The following FAM168A variants were observed in gnomAD, a reference collection of about 807,000 sequenced individuals.
FAM168A encodes the protein family with sequence similarity 168 member A.
Under a neutral mutation model 28.5 loss-of-function variants are expected in FAM168A, and 3 were observed. The ratio of observed to expected loss-of-function variants is 0.11; its 90% CI spans 0.05 to 0.27. FAM168A has a LOEUF of 0.27. Ranked by LOEUF, FAM168A falls within the 10% of genes least tolerant of loss-of-function variation. The pLI, the probability that FAM168A is intolerant of heterozygous loss-of-function variation, is 1.00. For missense variants in FAM168A, 222 were observed against 311.5 expected, an observed-to-expected ratio of 0.71 and a Z score of 2.16; for synonymous variants, 122 against 124.2, an observed-to-expected ratio of 0.98 and a Z score of 0.12.
chr11:73,457,300 G>T (rs1867550902), intron 2 of FAM168A, among the ~76,000 whole-genome samples: 1 of 151,580 alleles, frequency 6.6e-6, no homozygotes, highest in Admixed American at 6.6e-5. Context: ...GAGACTGGAG[G>T]ATCCCTTGAG....
intron 3 of FAM168A, among the ~76,000 whole-genome samples, chr11:73,425,391 T>C (rs1205684736): frequency 6.6e-6 from 1 of 152,228 alleles, no homozygotes; most frequent in Non-Finnish European, 1.5e-5. Context: ...ATTTCACATA[T>C]GGCAGATGTG....
chr11:73,426,847 T>C (rs1234536077), intron 3 of FAM168A, among the ~76,000 whole-genome samples: 3 of 152,102 alleles, frequency 2.0e-5, no homozygotes, highest in African/African-American at 7.2e-5. Flanking sequence ...AATACAATAC[T>C]CTAACGCTAC....
chr11:73,519,956 G>T (rs1943355296), intron 1 of FAM168A, among the ~76,000 whole-genome samples: 2 of 151,874 alleles, frequency 1.3e-5, no homozygotes. Flanking sequence ...ACTCTGCCCA[G>T]TACATAGATT....
intron 1 of FAM168A, among the ~76,000 whole-genome samples, chr11:73,571,276 C>T (rs1022200402): frequency 1.4e-5 from 2 of 139,542 alleles, no homozygotes; most frequent in Non-Finnish European, 3.1e-5. Flanking sequence ...TCTCTTTCCA[C>T]GGTCTCCCTC....
In FAM168A at chr11:73,466,148, T is replaced by C. The variant is rs77980667; in HGVS notation, c.70+2257A>G. ...ACCATCCCATTTCCTCTGAAGCAGA[T>C]GACAGTACAATGGACTTGACCCCCT... On this transcript the variant is annotated intron_variant, in intron 2 of 7. Coordinates refer to ENST00000356467, the MANE Select transcript of FAM168A (RefSeq NM_015159.3). Among the ~76,000 whole-genome samples the C allele has an allele frequency of 9.1e-3, 1,379 of 152,308 alleles. 22 individuals are homozygous for C. Among genetic ancestry groups the C allele is most frequent in the African/African-American group, 0.031 (1,281 of 41,558 alleles).
intron 1 of FAM168A, among the ~76,000 whole-genome samples, chr11:73,500,951 G>A (rs1565273017): frequency 6.6e-6 from 1 of 151,400 alleles, no homozygotes. Flanking sequence ...CCCATCTTAT[G>A]TGCAAAGACA....
At chr11:73,533,416 T>C (rs1237011305) in intron 1 of FAM168A, among the ~76,000 whole-genome samples, 1 of 152,204 alleles carries the variant, frequency 6.6e-6, no homozygotes, top group East Asian at 1.9e-4. Flanking sequence ...ACTTTACTAC[T>C]AGTAGAGTCC....
At chr11:73,458,175 C>A (rs749370294) in intron 2 of FAM168A, among the ~76,000 whole-genome samples, 1 of 152,084 alleles carries the variant, frequency 6.6e-6, no homozygotes, top group East Asian at 1.9e-4. Flanking sequence ...GAAAAACATA[C>A]AAATAAACAA....
chr11:73,510,110 T>A (rs951815329), intron 1 of FAM168A, among the ~76,000 whole-genome samples: 1 of 152,152 alleles, frequency 6.6e-6, no homozygotes, highest in African/African-American at 2.4e-5. Flanking sequence ...CCACTCATAG[T>A]GTACTAGAAA....
rs1381327533 is a variant in FAM168A, at chr11:73,402,837, G to C, written c.*3926C>G. The C allele has an allele frequency of 6.6e-6, 1 of 152,190 alleles. No individual in the cohort carries two copies. The highest frequency in any genetic ancestry group is 1.5e-5 in the Non-Finnish European group (1 of 68,060). The allele number at this position is 152,190 out of a possible 1,614,324, so 9.4% of individuals were successfully genotyped here. A position where few individuals can be genotyped will look rare whatever the true frequency, so the allele number is the denominator to read the frequency against. Reference sequence around the variant, plus strand: ...TGCTGCCAGTTAGATGTGCCTCTGGGTCCCTCCCCAGGGCTCATTACAGGT... The same window carrying C: ...TGCTGCCAGTTAGATGTGCCTCTGGCTCCCTCCCCAGGGCTCATTACAGGT... On this transcript the variant is annotated 3_prime_UTR_variant, in exon 8 of 8. Transcript: ENST00000356467.
chr11:73,573,964 G>C (rs1944140048), intron 1 of FAM168A, among the ~76,000 whole-genome samples: 1 of 150,824 alleles, frequency 6.6e-6, no homozygotes, highest in South Asian at 2.1e-4. Context: ...AAAATACCAA[G>C]GGGCAGGGGT....
At chr11:73,431,354 C>G (rs1265527549) in intron 2 of FAM168A, among the ~76,000 whole-genome samples, 1 of 149,482 alleles carries the variant, frequency 6.7e-6, no homozygotes, top group Non-Finnish European at 1.5e-5. Context: ...GCCCCCCACA[C>G]CCCCCCGCCA....
At position 73,401,363 on chromosome 11, in the gene FAM168A, C is replaced by T. The variant is rs915304441; in HGVS notation, c.*5400G>A. ...ACAGACAACTCCAAGTAGCTAGAGGCCTGGCCTTACCCCCCCTGGGTAAGG... is the reference window on the plus strand; with the variant it reads ...ACAGACAACTCCAAGTAGCTAGAGGTCTGGCCTTACCCCCCCTGGGTAAGG... On this transcript the variant is annotated 3_prime_UTR_variant, in exon 8 of 8. Transcript: ENST00000356467. 3.9e-5 allele frequency: 6 copies of T among 152,090 alleles called. No individual in the cohort carries two copies. The highest frequency in any genetic ancestry group is 4.1e-4 in the South Asian group (2 of 4,822). The allele number at this position is 152,090 out of a possible 1,614,324, so 9.4% of individuals were successfully genotyped here.
chr11:73,506,953 A>T (rs2134631899), intron 1 of FAM168A, among the ~76,000 whole-genome samples: 1 of 152,314 alleles, frequency 6.6e-6, no homozygotes, highest in African/African-American at 2.4e-5. Flanking sequence ...CAAATAAAAA[A>T]ACTTGACTCT....
intron 1 of FAM168A, among the ~76,000 whole-genome samples, chr11:73,552,716 G>A (rs1943843761): frequency 6.6e-6 from 1 of 152,166 alleles, no homozygotes; most frequent in South Asian, 2.1e-4. Flanking sequence ...CAACACTTTG[G>A]GAGGCCAAGA....
intron 4 of FAM168A, among the ~76,000 whole-genome samples, chr11:73,417,422 T>C (rs907881748): frequency 2.0e-5 from 3 of 152,190 alleles, no homozygotes; most frequent in African/African-American, 7.2e-5. Flanking sequence ...TGTGCCTATA[T>C]GCGTCTATAT....
intron 2 of FAM168A, among the ~76,000 whole-genome samples, chr11:73,445,109 A>C (rs1403420553): frequency 6.6e-6 from 1 of 152,080 alleles, no homozygotes; most frequent in African/African-American, 2.4e-5. Context: ...AAAGTACAAA[A>C]TTAGCTGGGC....
Position 73,430,704 on chromosome 11 carries a change from G to C in FAM168A, c.137C>G (p.Pro46Arg). 1.9e-6 allele frequency: 3 copies of C among 1,613,708 alleles called. No homozygotes were observed. The highest frequency in any genetic ancestry group is 2.5e-6 in the Non-Finnish European group (3 of 1,179,798). ...YNPSLYPTNS[P>R]SYAPATLLMK... ...TTCCTCCTTACCTGGAGCATAACTGGGACTATTGGTGGGGTACAGGCTGGG... is the reference window on the plus strand; with the variant it reads ...TTCCTCCTTACCTGGAGCATAACTGCGACTATTGGTGGGGTACAGGCTGGG... Residue 46 changes from proline (P) to arginine (R), a missense_variant, in exon 3 of 8, where the codon CCC (proline) becomes CGC (arginine). By Grantham distance (103) the Pro-to-Arg change is moderately radical. Transcript: ENST00000356467.
intron 1 of FAM168A, among the ~76,000 whole-genome samples, chr11:73,584,088 C>T (rs1352338442): frequency 6.6e-6 from 1 of 151,986 alleles, no homozygotes; most frequent in Non-Finnish European, 1.5e-5. Flanking sequence ...GCTTCTGGGG[C>T]AGGGGATTAT....
Sources: allele counts gnomAD v4.1 joint callset (sites outside exome capture counted in the v4.1 genomes callset), GRCh38; gene constraint gnomAD v4.1.1; transcripts MANE v1.5; gene names NCBI Gene and HGNC (gene_info 2026-07-23, HGNC 2026-07-21).